The following STAG1 variants were observed in gnomAD, a reference collection of about 807,000 sequenced individuals.
STAG1 encodes the protein STAG1 cohesin complex component.
STAG1 carries 26 observed loss-of-function variants against 170.9 expected under a neutral mutation model. The observed-to-expected ratio is 0.15, with a 90% CI of 0.11 to 0.21. The LOEUF is 0.21. Ranked by LOEUF, STAG1 falls within the 10% of genes least tolerant of loss-of-function variation. The probability of loss-of-function intolerance (pLI) is 1.00; values close to 1 mark genes in which losing one functional copy is unlikely to be tolerated. For synonymous variants in STAG1, 514 were observed against 497.7 expected (o/e 1.03, Z -0.44); for missense variants, 964 against 1,509.5 (o/e 0.64, Z 5.99).
At chr3:136,489,146 A>G (rs1214272126) in intron 9 of STAG1, among the ~76,000 whole-genome samples, 1 of 152,222 alleles carries the variant, frequency 6.6e-6, no homozygotes, top group African/African-American at 2.4e-5. Flanking sequence ...TTCAGGTGCA[A>G]TTCTATTAAT....
intron 5 of STAG1, among the ~76,000 whole-genome samples, chr3:136,564,362 A>C (rs1183443271): frequency 6.6e-6 from 1 of 152,164 alleles, no homozygotes; most frequent in Non-Finnish European, 1.5e-5. Context: ...ACAATGTAAC[A>C]GTGTCTGCTT....
At chr3:136,575,197 G>C (rs1937409547) in intron 4 of STAG1, among the ~76,000 whole-genome samples, 1 of 152,122 alleles carries the variant, frequency 6.6e-6, no homozygotes, top group African/African-American at 2.4e-5. Flanking sequence ...TTAAATCAAT[G>C]ACCTAAGAAT....
intron 5 of STAG1, among the ~76,000 whole-genome samples, chr3:136,553,204 T>TAG (rs1559875531): frequency 6.6e-6 from 1 of 152,048 alleles, no homozygotes. Flanking sequence ...GGGATTGGCA[T>TAG]AGATAAAAAG....
chr3:136,390,069 G>C (rs970391708), intron 22 of STAG1, among the ~76,000 whole-genome samples: 1 of 152,048 alleles, frequency 6.6e-6, no homozygotes, highest in Admixed American at 6.6e-5. Flanking sequence ...CTGACCTTGT[G>C]ATCTGCCCAC....
intron 5 of STAG1, among the ~76,000 whole-genome samples, chr3:136,567,521 A>G (rs1374078469): frequency 6.6e-6 from 1 of 152,186 alleles, no homozygotes; most frequent in Non-Finnish European, 1.5e-5. Flanking sequence ...TTTGTAGGAT[A>G]TACTTTTTTA....
At chr3:136,522,747 G>A (rs577520459) in intron 6 of STAG1, among the ~76,000 whole-genome samples, 7 of 119,188 alleles carry the variant, frequency 5.9e-5, no homozygotes, top group East Asian at 2.5e-4. Context: ...AGGTCCCAGC[G>A]TGTGACGTTC....
chr3:136,539,404 G>C (rs138461539), intron 6 of STAG1, among the ~76,000 whole-genome samples: 2 of 152,102 alleles, frequency 1.3e-5, no homozygotes, highest in African/African-American at 2.4e-5. Flanking sequence ...CGGGAGAAGA[G>C]CACAATACAC....
intron 6 of STAG1, among the ~76,000 whole-genome samples, chr3:136,533,298 A>C (rs528818112): frequency 6.6e-6 from 1 of 152,190 alleles, no homozygotes; most frequent in Non-Finnish European, 1.5e-5. Context: ...ATGAATCCCA[A>C]GAATATTGGT....
intron 1 of STAG1, among the ~76,000 whole-genome samples, chr3:136,689,550 T>C (rs1364934662): frequency 6.6e-6 from 1 of 152,214 alleles, no homozygotes; most frequent in Non-Finnish European, 1.5e-5. Flanking sequence ...AGTTTTCTTT[T>C]ATCATCAAAC....
In STAG1 at chr3:136,453,590, C is replaced by CAA. The variant is rs34324239; in HGVS notation, c.1314-1445_1314-1444dup. ...TGGGTGACAGAGCGAGACTATGTCT[C>CAA]AAAAAAAAAAAAAAAAAATTGCTAA... On this transcript the variant is annotated intron_variant, in intron 13 of 33. Coordinates refer to ENST00000383202, the MANE Select transcript of STAG1 (RefSeq NM_005862.3). Among the ~76,000 whole-genome samples, 453 of 98,384 alleles carry CAA rather than the reference C, an allele frequency of 4.6e-3. 1 individual carries two copies. Among genetic ancestry groups the CAA allele is most frequent in the African/African-American group, 1.0e-2 (297 of 29,758 alleles). 64.5% of individuals were successfully genotyped at this position (98,384 alleles called of 152,430 possible).
At chr3:136,421,399 T>C (rs1047949859) in intron 19 of STAG1, among the ~76,000 whole-genome samples, 7 of 152,302 alleles carry the variant, frequency 4.6e-5, no homozygotes, top group South Asian at 2.1e-4. Flanking sequence ...TCTGATACTA[T>C]AGATAAAACC....
At chr3:136,701,405 T>C (rs1176524388) in intron 1 of STAG1, among the ~76,000 whole-genome samples, 1 of 151,712 alleles carries the variant, frequency 6.6e-6, no homozygotes, top group Non-Finnish European at 1.5e-5. Flanking sequence ...CCCATCCTCG[T>C]GTGTGTGTGT....
chr3:136,510,881 G>A (rs139235803), intron 7 of STAG1, among the ~76,000 whole-genome samples: 23 of 152,176 alleles, frequency 1.5e-4, no homozygotes, highest in African/African-American at 5.1e-4. Flanking sequence ...AGGTTCAAGC[G>A]ATTCTTCTGC....
At position 136,709,001 on chromosome 3, in the gene STAG1, GGGTCTCAGCCA is replaced by G. The variant is rs1192301595; in HGVS notation, c.-84+43183_-84+43193del. 3.8e-5 allele frequency among the ~76,000 whole-genome samples: 5 copies of G among 132,036 alleles called. No individual in the cohort carries two copies. The Admixed American group carries it at 4.3e-4, about 11-fold the overall frequency. 86.6% of individuals were successfully genotyped at this position (132,036 alleles called of 152,430 possible). ...TTTTTTTTTTTTTTTTTTAAAGACA[GGGTCTCAGCCA>G]GGTGCGGTGGTTCACATCTGTAATC... On this transcript the variant is annotated intron_variant, in intron 1 of 33. Transcript: ENST00000383202.
intron 12 of STAG1, among the ~76,000 whole-genome samples, chr3:136,468,319 G>T (rs1026469640): frequency 6.6e-6 from 1 of 152,112 alleles, no homozygotes; most frequent in Non-Finnish European, 1.5e-5. Context: ...AAAGGATAAA[G>T]GGGATATCAC....
chr3:136,692,159 GA>G, intron 1 of STAG1, among the ~76,000 whole-genome samples: 1 of 149,982 alleles, frequency 6.7e-6, no homozygotes, highest in East Asian at 2.0e-4. Flanking sequence ...TACAAAAATA[GA>G]AAAATTAGCC....
chr3:136,680,710 A>G (rs1464905659), intron 1 of STAG1, among the ~76,000 whole-genome samples: 1 of 151,742 alleles, frequency 6.6e-6, no homozygotes. Flanking sequence ...ACACTTACAC[A>G]TAACAAGATA....
At chr3:136,630,147 A>G (rs770276323) in intron 2 of STAG1, among the ~76,000 whole-genome samples, 1 of 152,178 alleles carries the variant, frequency 6.6e-6, no homozygotes, top group Non-Finnish European at 1.5e-5. Flanking sequence ...GTGAGCCGAG[A>G]TCGCACCACT....
At chr3:136,523,383 G>C (rs1393226463) in intron 6 of STAG1, among the ~76,000 whole-genome samples, 1 of 150,478 alleles carries the variant, frequency 6.6e-6, no homozygotes, top group African/African-American at 2.4e-5. Flanking sequence ...AGAAGTGTCT[G>C]TTCATATCCT....
Sources: gnomAD v4.1 joint callset for allele counts (sites outside exome capture counted in the v4.1 genomes callset) on GRCh38, gnomAD v4.1.1 for gene constraint, MANE v1.5 for transcripts, NCBI Gene and HGNC (gene_info 2026-07-23, HGNC 2026-07-21) for gene names.